Variants in TNC observed in about 807,000 individuals in gnomAD.
TNC encodes the protein tenascin C, also known as tenascin.
TNC carries 109 observed loss-of-function variants against 202.4 expected under a neutral mutation model. That is an observed-to-expected ratio of 0.54 (90% confidence interval 0.46 to 0.63). TNC has a LOEUF of 0.63. Ranked by LOEUF, TNC falls within the 30% of genes least tolerant of loss-of-function variation. The probability of loss-of-function intolerance (pLI) is 0.00; values close to 1 mark genes in which losing one functional copy is unlikely to be tolerated. For missense variants in TNC, 2,756 were observed against 2,833.3 expected (o/e 0.97, Z 0.62); for synonymous variants, 1,007 against 1,089.7 (o/e 0.92, Z 1.50).
At position 115,078,199 on chromosome 9, in the gene TNC, G is replaced by A. The variant is rs376897477; in HGVS notation, c.2418C>T (p.Pro806=). ...TGACATCTTTCACCTCGATCTGGCT[G>A]GGGGCATCCAAGCCTATGATGGGCA... The part of the protein sequence containing the change: ...KRVTTTRLDA[P]SQIEVKDVTD... Residue 806 remains proline (P), a synonymous_variant, in exon 7 of 28, where the codon CCC becomes CCT. Transcript: ENST00000350763. 6 of 1,606,116 alleles carry A rather than the reference G, an allele frequency of 3.7e-6. No homozygotes were observed. In the African/African-American group the frequency reaches 4.0e-5, roughly 11 times the overall value.
chr9:115,029,339 A>T (rs200155624), intron 25 of TNC, 21 bp downstream of exon 25: 3 of 1,608,914 alleles, frequency 1.9e-6, no homozygotes, highest in Non-Finnish European at 1.7e-6. Flanking sequence ...TTTTAGATAT[A>T]AACATGCAGG....
intron 22 of TNC, among the ~76,000 whole-genome samples, chr9:115,033,642 G>T (rs1216430970): frequency 6.6e-6 from 1 of 152,210 alleles, no homozygotes; most frequent in Non-Finnish European, 1.5e-5. Context: ...TCCAGGAAGG[G>T]GCATGATAGT....
intron 1 of TNC, among the ~76,000 whole-genome samples, chr9:115,107,596 T>C (rs1056618585): frequency 7.2e-5 from 11 of 152,204 alleles, no homozygotes; most frequent in African/African-American, 2.7e-4. Context: ...TTATGCTTAT[T>C]TGAAAATTAA....
intron 18 of TNC, 43 bp downstream of exon 18, chr9:115,042,176 C>G: frequency 6.3e-7 from 1 of 1,595,916 alleles, no homozygotes; most frequent in Non-Finnish European, 8.5e-7. Flanking sequence ...TCCATCCAAA[C>G]CCACAACACT....
rs568226894 is a variant in TNC at position 115,051,362 on chromosome 9, A to T, written c.4580-2830T>A. The stretch of plus-strand genomic sequence containing the variant: ...GTTAATGACTTATCCTAGGTCATAC[A>T]TCTGCTAGGTGCCTAAGCTGAGATA... On this transcript the variant is annotated intron_variant, in intron 15 of 27. Transcript: ENST00000350763. Among the ~76,000 whole-genome samples, 11 of 152,252 alleles carry T rather than the reference A, an allele frequency of 7.2e-5. No homozygotes were observed. In the South Asian group the frequency reaches 2.3e-3, roughly 32 times the overall value.
intron 19 of TNC, 97 bp downstream of exon 19, chr9:115,040,844 T>C (rs935651189): frequency 2.8e-6 from 4 of 1,433,400 alleles, no homozygotes; most frequent in Non-Finnish European, 2.8e-6. Flanking sequence ...TGCTGAGTCA[T>C]GAGCTACAAG....
At chr9:115,047,240 C>CTTTTTTT (rs397975455) in intron 16 of TNC, among the ~76,000 whole-genome samples, 3 of 107,198 alleles carry the variant, frequency 2.8e-5, no homozygotes, top group Admixed American at 9.4e-5. Context: ...CTACCCTTGA[C>CTTTTTTT]TTTTTTTTTT....
chr9:115,106,020 A>G (rs1836589194), intron 1 of TNC, among the ~76,000 whole-genome samples: 1 of 152,078 alleles, frequency 6.6e-6, no homozygotes, highest in Non-Finnish European at 1.5e-5. Flanking sequence ...CAAATCCTAG[A>G]CCCTTACTCC....
intron 17 of TNC, among the ~76,000 whole-genome samples, chr9:115,042,973 G>A (rs1244509655): frequency 6.6e-6 from 1 of 152,190 alleles, no homozygotes; most frequent in Admixed American, 6.5e-5. Flanking sequence ...AAAGCCAAGA[G>A]AACAACCTCA....
chr9:115,084,331 A>C lies in TNC; in HGVS notation c.2009T>G (p.Val670Gly). The C allele has an allele frequency of 1.2e-6, 2 of 1,614,192 alleles. No homozygotes were observed. Among genetic ancestry groups the C allele is most frequent in the Non-Finnish European group, 8.5e-7 (1 of 1,180,024 alleles). ...HEGGLEMQFR[V>G]PGDQTSTIIQ... is the part of the protein sequence containing the mutation. ...GATGGTGGACGTCTGGTCCCCAGGC[A>C]CACGGAACTGCATTTCCAGACCACC... Residue 670 changes from valine to glycine, a missense_variant, in exon 4 of 28, where the codon GTG becomes GGG. This residue lies in a region of TNC where 2,559 missense variants were observed against 2,546.0 expected (regional missense o/e 1.01). Coordinates refer to ENST00000350763, the MANE Select transcript of TNC (RefSeq NM_002160.4).
chr9:115,067,892 C>T lies in TNC; in HGVS notation c.3215-2973G>A, dbSNP rs1322050802. On this transcript the variant is annotated intron_variant, in intron 10 of 27. Transcript: ENST00000350763. ...AGCATTGGTTTATAACTCAGAGAGG[C>T]AGTACTGTGGCCATGTCAGTAGTGG... 2.0e-5 allele frequency among the ~76,000 whole-genome samples: 3 copies of T among 151,580 alleles called. No homozygotes were observed. The South Asian group carries it at 6.2e-4, about 32-fold the overall frequency.
chr9:115,105,296 TG>T (rs1166846230), intron 1 of TNC, among the ~76,000 whole-genome samples: 1 of 152,194 alleles, frequency 6.6e-6, no homozygotes, highest in Non-Finnish European at 1.5e-5. Context: ...TTTCCCAAAA[TG>T]GGACCATCTA....
At chr9:115,066,204 A>T (rs970681132) in intron 10 of TNC, among the ~76,000 whole-genome samples, 4 of 152,206 alleles carry the variant, frequency 2.6e-5, no homozygotes, top group African/African-American at 9.6e-5. Context: ...TCGCGAATGC[A>T]CGAAATTCCG....
chr9:115,064,687 C>T lies in TNC; in HGVS notation c.3447G>A (p.Gln1149=), dbSNP rs763867224. ...PYTVSIYGVI[Q]GYRTPVLSAE... ...CAGAGAGCACTGGTGTTCTATAGCC[C>T]TGGATCACCCCATAGATGGAGACTG... is the stretch of plus-strand genomic sequence containing the variant. The change falls in exon 11 of 28, where the codon CAG becomes CAA. Residue 1149 remains glutamine, a synonymous_variant. Transcript: ENST00000350763. 2 of 1,614,052 alleles carry T rather than the reference C, an allele frequency of 1.2e-6. No individual in the cohort carries two copies. The highest frequency in any genetic ancestry group is 8.5e-7 in the Non-Finnish European group (1 of 1,179,930).
intron 9 of TNC, 151 bp downstream of exon 9, chr9:115,075,881 T>C: frequency 1.5e-6 from 1 of 661,242 alleles, no homozygotes; most frequent in Non-Finnish European, 2.7e-6. Flanking sequence ...TATGTTCCTT[T>C]TGAATTTCAA....
chr9:115,048,234 C>T (rs1194601980), intron 16 of TNC, 26 bp downstream of exon 16: 8 of 1,607,766 alleles, frequency 5.0e-6, no homozygotes, highest in African/African-American at 1.3e-5. Context: ...GGAAGAGGAA[C>T]AAATGGCTCA....
chr9:115,064,602 C>A, intron 11 of TNC, 45 bp downstream of exon 11: 1 of 1,555,770 alleles, frequency 6.4e-7, no homozygotes, highest in South Asian at 1.2e-5. Context: ...TGGGCAGTTT[C>A]CTGCTGGGAA....
chr9:115,111,399 C>CTT (rs71375272), intron 1 of TNC, among the ~76,000 whole-genome samples: 916 of 71,376 alleles, frequency 0.013, 145 homozygotes, highest in African/African-American at 0.025. Flanking sequence ...CTCTCTCTCT[C>CTT]TTTTTTTTTT....
chr9:115,034,894 G>T (rs1004161919), intron 22 of TNC, among the ~76,000 whole-genome samples: 1 of 152,172 alleles, frequency 6.6e-6, no homozygotes, highest in African/African-American at 2.4e-5. Flanking sequence ...CAAACATGCA[G>T]AGAAACCTTT....
Sources: gnomAD v4.1 joint callset for allele counts (sites outside exome capture counted in the v4.1 genomes callset) on GRCh38, gnomAD v4.1.1 for gene constraint, gnomAD v4.1.1 regional missense constraint, MANE v1.5 for transcripts, NCBI Gene and HGNC (gene_info 2026-07-23, HGNC 2026-07-21) for gene names.